IFFO2: variants seen among roughly 807,000 people sequenced by gnomAD.
The protein encoded by IFFO2 is intermediate filament family orphan 2.
A neutral mutation model predicts 53.5 loss-of-function variants in IFFO2; 19 were observed. The observed-to-expected ratio is 0.36, with a 90% CI of 0.25 to 0.52. The LOEUF is 0.52. Among genes scored for constraint, IFFO2 ranks in the 20% least tolerant of loss-of-function variants. IFFO2 has a pLI of 0.94. For synonymous variants in IFFO2, 303 were observed against 313.6 expected, an observed-to-expected ratio of 0.97 and a Z score of 0.36; for missense variants, 570 against 727.4, an observed-to-expected ratio of 0.78 and a Z score of 2.49.
intron 2 of IFFO2, 33 bp downstream of exon 2, chr1:18,921,028 C>T (rs1458930141): frequency 1.3e-6 from 2 of 1,545,378 alleles, no homozygotes; most frequent in South Asian, 1.2e-5. Flanking sequence ...CTCTGGCGTG[C>T]CTCTCCTGGT....
intron 1 of IFFO2, among the ~76,000 whole-genome samples, chr1:18,942,008 C>T (rs779107365): frequency 5.3e-5 from 8 of 152,238 alleles, no homozygotes; most frequent in Non-Finnish European, 1.0e-4. Context: ...GACATGACCT[C>T]CTCCTGGCTG....
intron 5 of IFFO2, among the ~76,000 whole-genome samples, chr1:18,915,702 T>A (rs975259614): frequency 1.3e-5 from 2 of 151,766 alleles, no homozygotes; most frequent in Non-Finnish European, 2.9e-5. Flanking sequence ...GCGTCTGGAG[T>A]GAGCAAAGTG....
chr1:18,955,957 T>C lies in IFFO2; in HGVS notation c.376A>G (p.Ser126Gly). Residue 126 changes from serine to glycine, a missense_variant, in exon 1 of 9, where the codon AGC (serine) becomes GGC (glycine). Ser to Gly is a moderately conservative substitution (Grantham distance 56). Coordinates refer to ENST00000455833, the MANE Select transcript of IFFO2 (RefSeq NM_001136265.2). The part of the protein sequence containing the change: ...PPAPGGGHGL[S>G]SGAAAGANAN... The stretch of plus-strand genomic sequence containing the variant: ...TTGGCGCCGGCCGCCGCGCCACTGC[T>C]GAGGCCGTGCCCGCCGCCGGGCGCC... 6.9e-6 allele frequency: 9 copies of C among 1,313,342 alleles called. No homozygotes were observed. Among genetic ancestry groups the C allele is most frequent in the Non-Finnish European group, 8.7e-6 (9 of 1,029,754 alleles). The allele number at this position is 1,313,342 out of a possible 1,614,324, so 81.4% of individuals were successfully genotyped here.
chr1:18,908,418 C>T lies in IFFO2; in HGVS notation c.*143G>A, dbSNP rs1935983028. The stretch of plus-strand genomic sequence containing the variant: ...GGAAGGAAGGAAGGAAGCAGCAGTC[C>T]CTCAGGGCCTCCAGAGAAGGGAGGG... On this transcript the variant is annotated 3_prime_UTR_variant, in exon 9 of 9. Transcript: ENST00000455833. 1 of 635,718 alleles carries T rather than the reference C, an allele frequency of 1.6e-6. No homozygotes were observed. The highest frequency in any genetic ancestry group is 1.8e-5 in the African/African-American group (1 of 54,952). The allele number at this position is 635,718 out of a possible 1,614,324, so 39.4% of individuals were successfully genotyped here. A position where few individuals can be genotyped will look rare whatever the true frequency, so the allele number is the denominator to read the frequency against.
At chr1:18,948,989 C>T (rs1936624672) in intron 1 of IFFO2, among the ~76,000 whole-genome samples, 1 of 152,244 alleles carries the variant, frequency 6.6e-6, no homozygotes. Flanking sequence ...GTGACTAGCC[C>T]AAGCTCACTC....
intron 1 of IFFO2, among the ~76,000 whole-genome samples, chr1:18,924,589 G>A (rs532604777): frequency 3.9e-5 from 6 of 152,304 alleles, no homozygotes; most frequent in East Asian, 1.9e-4. Flanking sequence ...CTGAGCAAAC[G>A]ACTTGCCCAA....
In IFFO2 at chr1:18,911,379, C is replaced by T; in HGVS notation, c.1317+5G>A. Reference sequence around the variant, plus strand: ...ACGAGTGGGCTCCACGTCCCGAGCCCTCACCTCGATCTGACCTATCGTTTC... The same window carrying T: ...ACGAGTGGGCTCCACGTCCCGAGCCTTCACCTCGATCTGACCTATCGTTTC... On this transcript the variant is annotated splice_donor_5th_base_variant and intron_variant, in intron 7 of 8. Transcript: ENST00000455833. 2.0e-6 allele frequency: 3 copies of T among 1,489,834 alleles called. No homozygotes were observed. Among genetic ancestry groups the T allele is most frequent in the Non-Finnish European group, 2.7e-6 (3 of 1,112,644 alleles). The allele number at this position is 1,489,834 out of a possible 1,614,324, so 92.3% of individuals were successfully genotyped here.
chr1:18,920,177 C>T (rs764597897), intron 2 of IFFO2, among the ~76,000 whole-genome samples: 6 of 152,116 alleles, frequency 3.9e-5, no homozygotes, highest in Non-Finnish European at 4.4e-5. Flanking sequence ...CAGACAAGAT[C>T]GGAAGGTCAC....
Position 18,912,062 on chromosome 1 carries a change from G to A in IFFO2, c.1125C>T (p.Asp375=), listed in dbSNP as rs986703377. The A allele has an allele frequency of 5.9e-5, 92 of 1,551,480 alleles. No individual in the cohort carries two copies. In the East Asian group the frequency reaches 1.4e-3, roughly 24 times the overall value. ...FNQLRETFDF[D]DDCDSLTWEE... ...CCCACGTCAGGCTGTCACAGTCGTC[G>A]TCAAAGTCAAAGGTCTCCCGCCTGT... The change falls in exon 6 of 9, where the codon GAC becomes GAT. Residue 375 remains aspartate (D), a synonymous_variant. Transcript: ENST00000455833.
In IFFO2 at chr1:18,947,228, G is replaced by T. The variant is rs1056637183; in HGVS notation, c.665+8440C>A. 5.9e-5 allele frequency among the ~76,000 whole-genome samples: 9 copies of T among 152,230 alleles called. No homozygotes were observed. The highest frequency in any genetic ancestry group is 1.0e-4 in the Non-Finnish European group (7 of 68,040). ...CAGCACTGACTGAAAGCAAAAGCTAGGGATACTCCAGCCCAGGGCGGAGGC... is the reference window on the plus strand; with the variant it reads ...CAGCACTGACTGAAAGCAAAAGCTATGGATACTCCAGCCCAGGGCGGAGGC... On this transcript the variant is annotated intron_variant, in intron 1 of 8. Coordinates refer to ENST00000455833, the MANE Select transcript of IFFO2 (RefSeq NM_001136265.2). This position sits in a 1 kb window ranked among gnomAD's most constrained non-coding sequence, Gnocchi z 5.0.
At chr1:18,945,096 C>T (rs945157816) in intron 1 of IFFO2, among the ~76,000 whole-genome samples, 1 of 152,204 alleles carries the variant, frequency 6.6e-6, no homozygotes, top group Non-Finnish European at 1.5e-5. Flanking sequence ...AACACCCTCT[C>T]TCCTTCTCTT....
intron 1 of IFFO2, among the ~76,000 whole-genome samples, chr1:18,952,525 A>C (rs1936671269): frequency 1.3e-5 from 2 of 152,274 alleles, no homozygotes; most frequent in Non-Finnish European, 2.9e-5. Flanking sequence ...TTTAGCTATA[A>C]AAAGGAACAG....
At chr1:18,910,213 G>T in intron 8 of IFFO2, 129 bp downstream of exon 8, 1 of 1,036,038 alleles carries the variant, frequency 9.7e-7, no homozygotes, top group Non-Finnish European at 1.4e-6. Context: ...ATGGATGGAT[G>T]GACGGACGGA....
chr1:18,910,857 G>A (rs1158360264), intron 7 of IFFO2, among the ~76,000 whole-genome samples: 4 of 152,232 alleles, frequency 2.6e-5, no homozygotes, highest in Non-Finnish European at 5.9e-5. Flanking sequence ...TCTAGGGAAG[G>A]AGCTGGGCTT....
At chr1:18,910,230 G>C (rs1936014822) in intron 8 of IFFO2, 112 bp downstream of exon 8, 1 of 1,242,216 alleles carries the variant, frequency 8.1e-7, no homozygotes, top group East Asian at 2.6e-5. Flanking sequence ...CGGACGGACA[G>C]ATGGACGGAC....
Position 18,956,175 on chromosome 1 carries a change from T to A in IFFO2, c.158A>T (p.Asn53Ile). Reference sequence around the variant, plus strand: ...GTTGAGCCCCTTCAAGAGGTGGATGTTGGAGCCCAGGTCGTCCCGCAGCGC... The same window carrying A: ...GTTGAGCCCCTTCAAGAGGTGGATGATGGAGCCCAGGTCGTCCCGCAGCGC... Reference protein sequence around the residue: ...TAALRDDLGSNIHLLKGLNVR... With the variant: ...TAALRDDLGSIIHLLKGLNVR... Residue 53 changes from asparagine to isoleucine, a missense_variant, in exon 1 of 9, where the codon AAC (asparagine) becomes ATC (isoleucine). Physicochemically the swap from Asn to Ile is moderately radical, Grantham distance 149. Coordinates refer to ENST00000455833, the MANE Select transcript of IFFO2 (RefSeq NM_001136265.2). The surrounding 1 kb of genome is among the most constrained non-coding windows in gnomAD (Gnocchi z 6.4). The A allele has an allele frequency of 6.8e-7, 1 of 1,465,624 alleles. No individual in the cohort carries two copies. Among genetic ancestry groups the A allele is most frequent in the African/African-American group, 1.5e-5 (1 of 67,978 alleles). The allele number at this position is 1,465,624 out of a possible 1,614,324, so 90.8% of individuals were successfully genotyped here.
In IFFO2 at chr1:18,911,365, C is replaced by T; in HGVS notation, c.1317+19G>A. ...CTCAGGAGAGCCTCACGAGTGGGCT[C>T]CACGTCCCGAGCCCTCACCTCGATC... On this transcript the variant is annotated intron_variant, in intron 7 of 8. Coordinates refer to ENST00000455833, the MANE Select transcript of IFFO2 (RefSeq NM_001136265.2). The T allele has an allele frequency of 7.2e-7, 1 of 1,395,590 alleles. No homozygotes were observed. Among genetic ancestry groups the T allele is most frequent in the Non-Finnish European group, 9.6e-7 (1 of 1,036,560 alleles). 86.5% of individuals were successfully genotyped at this position (1,395,590 alleles called of 1,614,324 possible).
At chr1:18,938,589 G>T (rs1320374662) in intron 1 of IFFO2, among the ~76,000 whole-genome samples, 1 of 152,214 alleles carries the variant, frequency 6.6e-6, no homozygotes, top group African/African-American at 2.4e-5. Context: ...GGCCTCGGGG[G>T]AAGCCCAGCT....
At chr1:18,950,378 G>A (rs1027017469) in intron 1 of IFFO2, among the ~76,000 whole-genome samples, 25 of 152,332 alleles carry the variant, frequency 1.6e-4, no homozygotes, top group African/African-American at 5.8e-4. Flanking sequence ...GTGGAGGTAG[G>A]TATGCCCAAA....
Sources: allele counts gnomAD v4.1 joint callset (sites outside exome capture counted in the v4.1 genomes callset), GRCh38; gene constraint gnomAD v4.1.1; non-coding constraint Gnocchi (gnomAD v3.1); transcripts MANE v1.5; gene names NCBI Gene and HGNC (gene_info 2026-07-23, HGNC 2026-07-21).